Variants in ANKRD29 observed in about 807,000 individuals in gnomAD.
The protein encoded by ANKRD29 is ankyrin repeat domain-containing protein 29.
In ANKRD29, 32 loss-of-function variants were observed where a neutral mutation model predicts 38.0. The ratio of observed to expected loss-of-function variants is 0.84; its 90% confidence interval spans 0.64 to 1.13. The LOEUF (loss-of-function observed/expected upper bound fraction) is 1.13, where lower values mean the gene tolerates loss of function less well. Ranked by LOEUF, ANKRD29 falls within the 50% of genes most tolerant of loss-of-function variation. The pLI is 0.00. For synonymous variants in ANKRD29, 135 were observed against 152.4 expected, an observed-to-expected ratio of 0.89 and a Z score of 0.84; for missense variants, 357 against 377.9, an observed-to-expected ratio of 0.94 and a Z score of 0.46.
chr18:23,649,665 T>C (rs2060186375), intron 1 of ANKRD29: 1 of 417,952 alleles, frequency 2.4e-6, no homozygotes. Context: ...CCCTCAATGC[T>C]TTCTATCTGA....
At chr18:23,617,010 G>C (rs1028315761) in intron 8 of ANKRD29, among the ~76,000 whole-genome samples, 3 of 152,004 alleles carry the variant, frequency 2.0e-5, no homozygotes, top group Non-Finnish European at 4.4e-5. Flanking sequence ...CTTGAGGTCA[G>C]GAGTTCAAGA....
chr18:23,633,458 C>T (rs976952905), intron 5 of ANKRD29, among the ~76,000 whole-genome samples: 1 of 152,028 alleles, frequency 6.6e-6, no homozygotes, highest in African/African-American at 2.4e-5. Flanking sequence ...TGTCATGGTA[C>T]GAATAAGTAT....
intron 1 of ANKRD29, 193 bp from the exon 2 acceptor site, chr18:23,649,386 C>A: frequency 2.8e-6 from 2 of 704,346 alleles, no homozygotes; most frequent in Non-Finnish European, 5.2e-6. Flanking sequence ...TGAGCCACCA[C>A]ATGGCTATGA....
intron 1 of ANKRD29, among the ~76,000 whole-genome samples, chr18:23,650,691 G>T (rs529407759): frequency 6.6e-6 from 1 of 152,334 alleles, no homozygotes; most frequent in Non-Finnish European, 1.5e-5. Flanking sequence ...CTCTTGCTTA[G>T]ATGGAGATCA....
chr18:23,653,648 A>G (rs1393045171), intron 1 of ANKRD29, among the ~76,000 whole-genome samples: 1 of 141,362 alleles, frequency 7.1e-6, no homozygotes, highest in Non-Finnish European at 1.5e-5. Context: ...CCTCTTTTAT[A>G]TGGAGTCTCG....
chr18:23,608,897 C>T (rs2059605843), intron 9 of ANKRD29, among the ~76,000 whole-genome samples: 1 of 152,078 alleles, frequency 6.6e-6, no homozygotes, highest in South Asian at 2.1e-4. Context: ...TTTGGGAAAC[C>T]CTGTTTCTCA....
rs1225001373 is a variant in ANKRD29, at chr18:23,634,066, G to A, written c.414C>T (p.Ile138=). The A allele has an allele frequency of 1.2e-6, 2 of 1,614,150 alleles. No homozygotes were observed. The highest frequency in any genetic ancestry group is 1.7e-5 in the Admixed American group (1 of 60,014). The stretch of plus-strand genomic sequence containing the variant: ...ATGCACTCACATAAAGTTGGTCATG[G>A]ATGTTTGCTCCGTGCTTCAGCAAGG... ...VETLLKHGAN[I]HDQLYDGATA... is the part of the protein sequence containing the mutation. Residue 138 remains isoleucine, a synonymous_variant, in exon 5 of 10, where the codon ATC becomes ATT. Transcript: ENST00000592179.
At chr18:23,620,994 G>C (rs1006167350) in intron 6 of ANKRD29, among the ~76,000 whole-genome samples, 1 of 152,154 alleles carries the variant, frequency 6.6e-6, no homozygotes, top group African/African-American at 2.4e-5. Context: ...TGGGGTGTAA[G>C]AGTGCAGGAC....
At chr18:23,612,229 C>T (rs2059652339) in intron 8 of ANKRD29, 39 bp from the exon 9 acceptor site, 1 of 1,561,372 alleles carries the variant, frequency 6.4e-7, no homozygotes, top group Non-Finnish European at 8.8e-7. Context: ...AGTGAGCTCA[C>T]AGCCATTGGC....
intron 8 of ANKRD29, among the ~76,000 whole-genome samples, chr18:23,616,617 G>A (rs1369852475): frequency 2.9e-5 from 4 of 138,216 alleles, no homozygotes; most frequent in Non-Finnish European, 6.0e-5. Context: ...TATATATAGT[G>A]TATAGTAAAT....
chr18:23,637,776 A>G (rs543734647), intron 4 of ANKRD29, among the ~76,000 whole-genome samples: 1 of 152,286 alleles, frequency 6.6e-6, no homozygotes, highest in South Asian at 2.1e-4. Context: ...AAAAGGATTA[A>G]CTAAGAAAAC....
chr18:23,654,085 G>A (rs367650755), intron 1 of ANKRD29, among the ~76,000 whole-genome samples: 2 of 151,732 alleles, frequency 1.3e-5, no homozygotes, highest in Non-Finnish European at 2.9e-5. Context: ...AGCCAACATG[G>A]TGAAACTCCA....
intron 1 of ANKRD29, among the ~76,000 whole-genome samples, chr18:23,660,889 C>A (rs1028740632): frequency 2.0e-5 from 3 of 152,250 alleles, no homozygotes; most frequent in African/African-American, 7.2e-5. Flanking sequence ...TCTACCCACT[C>A]TCTTTCAAGC....
At chr18:23,648,699 A>G (rs2060171180) in intron 2 of ANKRD29, 1 of 396,640 alleles carries the variant, frequency 2.5e-6, no homozygotes, top group Non-Finnish European at 4.4e-6. Context: ...TCATCCTTGT[A>G]GAAGAAACAT....
Position 23,662,875 on chromosome 18 carries a change from A to T in ANKRD29, c.-145T>A. 1.4e-6 allele frequency: 1 copy of T among 698,952 alleles called. No homozygotes were observed. The highest frequency in any genetic ancestry group is 1.8e-6 in the Non-Finnish European group (1 of 558,130). The allele number at this position is 698,952 out of a possible 1,614,324, so 43.3% of individuals were successfully genotyped here. A position where few individuals can be genotyped will look rare whatever the true frequency, so the allele number is the denominator to read the frequency against. ...CGCTCCCGCCGCCCGGCCCGGCAGC[A>T]GCCGCCGCACACAGGGCCGGGCCGA... On this transcript the variant is annotated 5_prime_UTR_variant, in exon 1 of 10. Coordinates refer to ENST00000592179, the MANE Select transcript of ANKRD29 (RefSeq NM_173505.4).
At chr18:23,629,579 G>C (rs2059903810) in intron 6 of ANKRD29, among the ~76,000 whole-genome samples, 1 of 152,238 alleles carries the variant, frequency 6.6e-6, no homozygotes, top group South Asian at 2.1e-4. Flanking sequence ...AGGTGGCAGA[G>C]TGTGTACTTG....
intron 9 of ANKRD29, among the ~76,000 whole-genome samples, chr18:23,603,120 C>T (rs2059533805): frequency 6.6e-6 from 1 of 152,184 alleles, no homozygotes; most frequent in Admixed American, 6.5e-5. Context: ...GGATATTATT[C>T]TCTGATGCCA....
intron 6 of ANKRD29, 102 bp downstream of exon 6, chr18:23,629,751 C>G: frequency 2.3e-6 from 2 of 886,892 alleles, no homozygotes; most frequent in South Asian, 1.5e-5. Flanking sequence ...TAAAGGATGC[C>G]TTGAGCTTAC....
chr18:23,619,442 T>C (rs2059766468), intron 7 of ANKRD29, 89 bp downstream of exon 7: 2 of 1,256,396 alleles, frequency 1.6e-6, no homozygotes. Flanking sequence ...AGGAAACCCA[T>C]GTGGGCTGCA....
Sources: gnomAD v4.1 joint callset for allele counts (sites outside exome capture counted in the v4.1 genomes callset) on GRCh38, gnomAD v4.1.1 for gene constraint, MANE v1.5 for transcripts, NCBI Gene and HGNC (gene_info 2026-07-23, HGNC 2026-07-21) for gene names.